Variants in CDC73 observed in about 807,000 individuals in gnomAD.
CDC73 encodes parafibromin.
A neutral mutation model predicts 83.7 loss-of-function variants in CDC73; 21 were observed. That is an observed-to-expected ratio of 0.25 (90% CI 0.18 to 0.36). The LOEUF (loss-of-function observed/expected upper bound fraction) is 0.36, where lower values mean the gene tolerates loss of function less well. Among genes scored for constraint, CDC73 ranks in the 10% least tolerant of loss-of-function variants. The pLI is 1.00. For missense variants in CDC73, 342 were observed against 653.3 expected, an observed-to-expected ratio of 0.52 and a Z score of 5.19; for synonymous variants, 224 against 212.9, an observed-to-expected ratio of 1.05 and a Z score of -0.45.
At chr1:193,192,257 A>G (rs1161206846) in intron 10 of CDC73, among the ~76,000 whole-genome samples, 1 of 152,204 alleles carries the variant, frequency 6.6e-6, no homozygotes, top group Non-Finnish European at 1.5e-5. Context: ...AGCCTGGCTG[A>G]CATGGCAAAA....
chr1:193,247,686 A>G (rs1677977459), intron 15 of CDC73, among the ~76,000 whole-genome samples: 1 of 152,086 alleles, frequency 6.6e-6, no homozygotes, highest in African/African-American at 2.4e-5. Context: ...AGAAAGCAAA[A>G]CAACCTTATT....
chr1:193,193,288 G>T (rs1349082816), intron 10 of CDC73, among the ~76,000 whole-genome samples: 3 of 152,176 alleles, frequency 2.0e-5, no homozygotes, highest in Non-Finnish European at 2.9e-5. Flanking sequence ...GCATCAATAG[G>T]TTCCTTTCTT....
intron 10 of CDC73, among the ~76,000 whole-genome samples, chr1:193,163,151 TTGTGTGTGTGTGTG>T (rs57194967): frequency 1.0e-4 from 4 of 39,826 alleles, no homozygotes; most frequent in African/African-American, 1.8e-4. Flanking sequence ...CTTTGTGGGG[TTGTGTGTGTGTGTG>T]TGTGTGTGTG....
intron 6 of CDC73, among the ~76,000 whole-genome samples, 174 bp downstream of exon 6, chr1:193,138,347 A>G (rs1572152601): frequency 1.3e-5 from 2 of 152,184 alleles, no homozygotes; most frequent in Non-Finnish European, 2.9e-5. Flanking sequence ...TGTGTTTATC[A>G]TGCTTTTTGA....
rs776519655 is a variant in CDC73, at chr1:193,212,404, A to G, written c.1081A>G (p.Ile361Val). Reference sequence around the variant, plus strand: ...TGTCTTTATAGGATCTCGAACACCCATTATCATAATTCCTGCAGCTACCAC... The same window carrying G: ...TGTCTTTATAGGATCTCGAACACCCGTTATCATAATTCCTGCAGCTACCAC... ...PNQKKGSRTP[I>V]IIIPAATTSL... Residue 361 changes from isoleucine (I) to valine (V), a missense_variant, in exon 13 of 17, where the codon ATT becomes GTT. Transcript: ENST00000367435. 1.9e-5 allele frequency: 30 copies of G among 1,602,948 alleles called. No individual in the cohort carries two copies. The highest frequency in any genetic ancestry group is 2.5e-5 in the Non-Finnish European group (29 of 1,172,758).
At chr1:193,221,010 A>G (rs1677460254) in intron 13 of CDC73, among the ~76,000 whole-genome samples, 2 of 152,094 alleles carry the variant, frequency 1.3e-5, no homozygotes, top group Admixed American at 1.3e-4. Context: ...TTTTGGTGAT[A>G]GTTTCTGTGT....
intron 10 of CDC73, among the ~76,000 whole-genome samples, chr1:193,190,431 TA>T (rs1363263918): frequency 1.3e-5 from 2 of 152,234 alleles, no homozygotes; most frequent in Non-Finnish European, 2.9e-5. Flanking sequence ...AAATGTTTAT[TA>T]AAAGCTTGTA....
intron 10 of CDC73, among the ~76,000 whole-genome samples, chr1:193,159,227 G>C (rs1406677589): frequency 1.3e-5 from 2 of 152,166 alleles, no homozygotes; most frequent in African/African-American, 4.8e-5. Context: ...TTGTTGGCCT[G>C]TTTGTTACAG....
chr1:193,144,063 T>C (rs1050207048), intron 7 of CDC73, among the ~76,000 whole-genome samples: 1 of 143,830 alleles, frequency 7.0e-6, no homozygotes, highest in African/African-American at 2.6e-5. Flanking sequence ...TGAGCTAAGA[T>C]TGTGCCATTG....
At chr1:193,232,238 T>TA (rs565086312) in intron 13 of CDC73, among the ~76,000 whole-genome samples, 1,925 of 145,654 alleles carry the variant, frequency 0.013, 19 homozygotes, top group South Asian at 0.036. Flanking sequence ...CATAAAATCT[T>TA]AAAAAAAAAA....
At chr1:193,215,096 GT>G (rs1396835043) in intron 13 of CDC73, among the ~76,000 whole-genome samples, 2 of 152,218 alleles carry the variant, frequency 1.3e-5, no homozygotes, top group Non-Finnish European at 2.9e-5. Context: ...TCTAAGTACA[GT>G]GAAAAATATA....
chr1:193,128,638 ACT>A (rs1462295306), intron 2 of CDC73, among the ~76,000 whole-genome samples: 2 of 152,184 alleles, frequency 1.3e-5, no homozygotes, highest in Admixed American at 1.3e-4. Flanking sequence ...GCACAAAAAA[ACT>A]CTGCACTCAA....
chr1:193,240,890 A>G (rs566729718), intron 15 of CDC73, among the ~76,000 whole-genome samples: 1 of 152,242 alleles, frequency 6.6e-6, no homozygotes, highest in African/African-American at 2.4e-5. Context: ...CTTAGCCATA[A>G]AGTCCTTGCC....
At chr1:193,122,687 C>T (rs1236877870) in intron 1 of CDC73, 3 of 191,196 alleles carry the variant, frequency 1.6e-5, no homozygotes, top group Non-Finnish European at 3.3e-5. Context: ...CCGTCTGGTG[C>T]CGTAGACGCC....
At chr1:193,234,178 C>G (rs1677711432) in intron 14 of CDC73, among the ~76,000 whole-genome samples, 2 of 12,190 alleles carry the variant, frequency 1.6e-4, no homozygotes, top group Non-Finnish European at 4.9e-4. Context: ...CTCTCTCTCA[C>G]ACACACACAC....
intron 15 of CDC73, among the ~76,000 whole-genome samples, chr1:193,243,817 A>G (rs1677903634): frequency 6.6e-6 from 1 of 152,224 alleles, no homozygotes. Context: ...TTTATTTATA[A>G]AAGCAAATAA....
rs574368879 is a variant in CDC73 at position 193,199,159 on chromosome 1, T to C, written c.973-4636T>C. On this transcript the variant is annotated intron_variant, in intron 10 of 16. Transcript: ENST00000367435. ...AGAAGTCTTAAAAAAATTGTGCTTA[T>C]TATTTATGTTGAAATGTTTTGCTTC... 3.3e-5 allele frequency among the ~76,000 whole-genome samples: 5 copies of C among 152,362 alleles called. 1 individual carries two copies. The South Asian group carries it at 1.0e-3, about 32-fold the overall frequency.
At position 193,169,269 on chromosome 1, in the gene CDC73, G is replaced by A. The variant is rs1406412095; in HGVS notation, c.972+16825G>A. Among the ~76,000 whole-genome samples the A allele has an allele frequency of 2.6e-5, 4 of 152,298 alleles. No homozygotes were observed. In the East Asian group the frequency reaches 5.8e-4, roughly 22 times the overall value. ...ATTAAATTTGTGAGAATGATGCTGG[G>A]TATGGTGGCTCACACCTGTAATCCT... is the stretch of plus-strand genomic sequence containing the variant. On this transcript the variant is annotated intron_variant, in intron 10 of 16. Coordinates refer to ENST00000367435, the MANE Select transcript of CDC73 (RefSeq NM_024529.5).
intron 4 of CDC73, 36 bp from the exon 5 acceptor site, chr1:193,135,501 A>C (rs527640228): frequency 6.2e-7 from 1 of 1,611,410 alleles, no homozygotes; most frequent in East Asian, 2.2e-5. Flanking sequence ...GCCCATTCCA[A>C]AACTACACAT....
Sources: allele counts gnomAD v4.1 joint callset (sites outside exome capture counted in the v4.1 genomes callset), GRCh38; gene constraint gnomAD v4.1.1; transcripts MANE v1.5; gene names NCBI Gene and HGNC (gene_info 2026-07-23, HGNC 2026-07-21).